Variants in RFPL1 observed in about 807,000 individuals in gnomAD.
RFPL1 encodes the protein ret finger protein-like 1.
RFPL1 carries 6 observed loss-of-function variants against 9.6 expected under a neutral mutation model. The ratio of observed to expected loss-of-function variants is 0.62; its 90% CI spans 0.34 to 1.23. The LOEUF is 1.23. Ranked by LOEUF, RFPL1 falls within the 50% of genes most tolerant of loss-of-function variation. The pLI is 0.03. For missense variants in RFPL1, 352 were observed against 398.4 expected (o/e 0.88, Z 0.99); for synonymous variants, 145 against 149.4 (o/e 0.97, Z 0.22).
At chr22:29,397,201 G>A in the RFPL1 span, among the ~76,000 whole-genome samples, 1 of 152,096 alleles carries the variant, frequency 6.6e-6, no homozygotes, top group Non-Finnish European at 1.5e-5. Context: ...GAGCCACCGC[G>A]CCCGGCCACC....
At chr22:29,408,799 C>A in the RFPL1 span, among the ~76,000 whole-genome samples, 1 of 152,174 alleles carries the variant, frequency 6.6e-6, no homozygotes, top group African/African-American at 2.4e-5. Context: ...TCAGTAGCAA[C>A]CTTTTCTCCT....
At chr22:29,429,579 T>C in the RFPL1 span, among the ~76,000 whole-genome samples, 1 of 152,180 alleles carries the variant, frequency 6.6e-6, no homozygotes. Flanking sequence ...ATGCACAGAT[T>C]CCTGGGCACA....
chr22:29,409,003 T>C, the RFPL1 span, among the ~76,000 whole-genome samples: 2 of 152,094 alleles, frequency 1.3e-5, no homozygotes, highest in East Asian at 1.9e-4. Flanking sequence ...CTGATCCTCA[T>C]GGTGTTTTTT....
chr22:29,394,894 A>G, the RFPL1 span, among the ~76,000 whole-genome samples: 8 of 152,188 alleles, frequency 5.3e-5, no homozygotes, highest in Admixed American at 5.2e-4. Flanking sequence ...GGCAGGCCTC[A>G]TGCTTTCTTC....
At chr22:29,415,272 G>A in the RFPL1 span, among the ~76,000 whole-genome samples, 2 of 152,138 alleles carry the variant, frequency 1.3e-5, no homozygotes, top group Admixed American at 1.3e-4. Context: ...CAAAACCAAA[G>A]TGCCGATAAA....
chr22:29,399,677 C>T, the RFPL1 span, among the ~76,000 whole-genome samples: 1 of 152,224 alleles, frequency 6.6e-6, no homozygotes, highest in African/African-American at 2.4e-5. Flanking sequence ...TGCTCCTCTG[C>T]TTTTTGAAGC....
exon 2 of RFPL1, chr22:29,441,951 T>G: frequency 6.2e-7 from 1 of 1,614,010 alleles, no homozygotes; most frequent in Non-Finnish European, 8.5e-7. Flanking sequence ...TTTTTGATGC[T>G]GAAGGTGGTT....
At chr22:29,422,705 T>C in the RFPL1 span, among the ~76,000 whole-genome samples, 1 of 151,980 alleles carries the variant, frequency 6.6e-6, no homozygotes, top group African/African-American at 2.4e-5. Flanking sequence ...ATCGCGCCAC[T>C]GCACTCCAGC....
the RFPL1 span, among the ~76,000 whole-genome samples, chr22:29,391,082 C>T: frequency 6.6e-5 from 10 of 151,778 alleles, no homozygotes; most frequent in African/African-American, 9.7e-5. Flanking sequence ...GTGGAGCTTG[C>T]AGTGAGCCAA....
At chr22:29,409,671 G>GT in the RFPL1 span, among the ~76,000 whole-genome samples, 1 of 152,186 alleles carries the variant, frequency 6.6e-6, no homozygotes, top group African/African-American at 2.4e-5. Flanking sequence ...GAACAGAAAT[G>GT]TTTTTTCTGG....
At chr22:29,438,738 G>A in exon 1 of RFPL1, 2 of 1,585,818 alleles carry the variant, frequency 1.3e-6, no homozygotes, top group Non-Finnish European at 1.7e-6. Flanking sequence ...TTGAGTGTTT[G>A]TACTCATGGT....
chr22:29,407,258 T>C, the RFPL1 span, among the ~76,000 whole-genome samples: 1 of 149,884 alleles, frequency 6.7e-6, no homozygotes, highest in African/African-American at 2.5e-5. Flanking sequence ...TATACCAAGC[T>C]AATTTTTTTT....
the RFPL1 span, among the ~76,000 whole-genome samples, chr22:29,395,970 CGAAAAGAGAAGAGAAGAGAAATAAGA>C: frequency 2.7e-5 from 4 of 145,806 alleles, no homozygotes; most frequent in Non-Finnish European, 4.5e-5. Flanking sequence ...GAGACTCTGT[CGAAAAGAGAAGAGAAGAGAAATAAGA>C]GAAAAGAGAA....
chr22:29,420,118 C>T, the RFPL1 span, among the ~76,000 whole-genome samples: 1 of 152,232 alleles, frequency 6.6e-6, no homozygotes, highest in Non-Finnish European at 1.5e-5. Context: ...AGACAGCTTG[C>T]TCAGGATTTC....
At chr22:29,429,969 T>G in the RFPL1 span, among the ~76,000 whole-genome samples, 2 of 149,562 alleles carry the variant, frequency 1.3e-5, no homozygotes, top group Non-Finnish European at 3.0e-5. Flanking sequence ...CTCTTTTATT[T>G]CTATTTTGAA....
chr22:29,403,751 A>G, the RFPL1 span, among the ~76,000 whole-genome samples: 2 of 152,224 alleles, frequency 1.3e-5, no homozygotes, highest in African/African-American at 4.8e-5. Context: ...CTCTCCTATT[A>G]AGTGAAATTC....
chr22:29,435,556 C>T (rs2062804643), upstream of RFPL1, among the ~76,000 whole-genome samples: 1 of 152,108 alleles, frequency 6.6e-6, no homozygotes, highest in African/African-American at 2.4e-5. Context: ...GCTTTATGAC[C>T]GGATCCAATT....
the RFPL1 span, among the ~76,000 whole-genome samples, chr22:29,418,512 T>G: frequency 6.7e-6 from 1 of 148,248 alleles, no homozygotes; most frequent in Non-Finnish European, 1.5e-5. Context: ...TTTTTTTTTT[T>G]TTTTTGAGAC....
At chr22:29,424,993 A>G in the RFPL1 span, among the ~76,000 whole-genome samples, 4 of 152,064 alleles carry the variant, frequency 2.6e-5, no homozygotes, top group African/African-American at 9.6e-5. Context: ...TCACGAGGTC[A>G]GGAGATCGAG....
Sources: gnomAD v4.1 joint callset for allele counts (sites outside exome capture counted in the v4.1 genomes callset) on GRCh38, gnomAD v4.1.1 for gene constraint, MANE v1.5 for transcripts, NCBI Gene and HGNC (gene_info 2026-07-23, HGNC 2026-07-21) for gene names.